Variants in SASH1 observed in about 807,000 individuals in gnomAD.
SASH1 encodes SAM and SH3 domain-containing protein 1.
Under a neutral mutation model 125.2 loss-of-function variants are expected in SASH1, and 44 were observed. The ratio of observed to expected loss-of-function variants is 0.35; its 90% CI spans 0.28 to 0.45. SASH1 has a LOEUF of 0.45. Ranked by LOEUF, SASH1 falls within the 20% of genes least tolerant of loss-of-function variation. SASH1 has a pLI of 1.00. For missense variants in SASH1, 1,426 were observed against 1,614.5 expected (o/e 0.88, Z 2.00); for synonymous variants, 639 against 649.1 (o/e 0.98, Z 0.24).
chr6:148,276,283 G>A (rs1779180888), intron 1 of SASH1, among the ~76,000 whole-genome samples: 1 of 152,162 alleles, frequency 6.6e-6, no homozygotes, highest in Non-Finnish European at 1.5e-5. Flanking sequence ...AAAGATAAAT[G>A]TTAATAAAAT....
chr6:148,403,276 A>G lies in SASH1; in HGVS notation c.285+13014A>G, dbSNP rs1464616209. Among the ~76,000 whole-genome samples the G allele has an allele frequency of 2.0e-5, 3 of 151,560 alleles. No individual in the cohort carries two copies. In the East Asian group the frequency reaches 5.8e-4, roughly 29 times the overall value. On this transcript the variant is annotated intron_variant, in intron 2 of 19. Coordinates refer to ENST00000367467, the MANE Select transcript of SASH1 (RefSeq NM_015278.5). ...ATATAGAATATTAATATAAGAATAT[A>G]TATATATTTTAAGAGATGGGGTCTC...
chr6:148,446,210 G>A (rs879896767), intron 4 of SASH1, among the ~76,000 whole-genome samples: 10 of 142,412 alleles, frequency 7.0e-5, no homozygotes, highest in Non-Finnish European at 1.4e-4. Flanking sequence ...CCAGGTCCAC[G>A]CCATTCTCCT....
At chr6:148,484,482 G>T (rs570598562) in intron 7 of SASH1, among the ~76,000 whole-genome samples, 4 of 150,722 alleles carry the variant, frequency 2.7e-5, no homozygotes, top group African/African-American at 9.7e-5. Context: ...AAAACTTCTC[G>T]AACCAAAGTG....
intron 10 of SASH1, among the ~76,000 whole-genome samples, chr6:148,523,823 A>G (rs986827834): frequency 2.6e-5 from 4 of 152,208 alleles, no homozygotes; most frequent in African/African-American, 7.2e-5. Flanking sequence ...CAGGATGACT[A>G]CCACATTCTC....
chr6:148,308,564 T>G (rs1214079710), intron 1 of SASH1, among the ~76,000 whole-genome samples: 2 of 151,234 alleles, frequency 1.3e-5, no homozygotes, highest in African/African-American at 2.4e-5. Context: ...CCTGGCTAAT[T>G]TTTGTATTTT....
At chr6:148,462,861 T>C (rs139976713) in intron 4 of SASH1, among the ~76,000 whole-genome samples, 2,870 of 152,228 alleles carry the variant, frequency 0.019, 109 homozygotes, top group African/African-American at 0.065. Flanking sequence ...GTCAGAGACG[T>C]GGCCACCAAG....
At chr6:148,530,454 C>T (rs1415696554) in intron 12 of SASH1, among the ~76,000 whole-genome samples, 2 of 151,878 alleles carry the variant, frequency 1.3e-5, no homozygotes, top group Non-Finnish European at 2.9e-5. Flanking sequence ...ATAATGTCAG[C>T]TCTAGTTTTC....
At chr6:148,388,117 G>A (rs1021833351) in intron 1 of SASH1, among the ~76,000 whole-genome samples, 3 of 152,034 alleles carry the variant, frequency 2.0e-5, no homozygotes, top group African/African-American at 7.2e-5. Flanking sequence ...GTTTCTCCAT[G>A]TTGGTGAGGC....
At chr6:148,293,811 C>T (rs1207259525) in intron 1 of SASH1, among the ~76,000 whole-genome samples, 1 of 152,160 alleles carries the variant, frequency 6.6e-6, no homozygotes, top group Admixed American at 6.6e-5. Flanking sequence ...ATAGTCCTTA[C>T]CTTAGAACAA....
chr6:148,542,016 A>G lies in SASH1; in HGVS notation c.2209+1460A>G, dbSNP rs80261457. Among the ~76,000 whole-genome samples, 1,131 of 152,234 alleles carry G rather than the reference A, an allele frequency of 7.4e-3. 19 individuals are homozygous for G. The highest frequency in any genetic ancestry group is 0.026 in the African/African-American group (1,067 of 41,526). The stretch of plus-strand genomic sequence containing the variant: ...GTTCTGAAGAATTTTTTTTTCTCTT[A>G]ATAACCTTTTCATATCCAAAACTTT... On this transcript the variant is annotated intron_variant, in intron 17 of 19. Coordinates refer to ENST00000367467, the MANE Select transcript of SASH1 (RefSeq NM_015278.5).
intron 2 of SASH1, among the ~76,000 whole-genome samples, chr6:148,393,274 G>A (rs1783807700): frequency 6.7e-6 from 1 of 150,332 alleles, no homozygotes; most frequent in Non-Finnish European, 1.5e-5. Flanking sequence ...TGGTCAGGCT[G>A]GTCTCAAACT....
chr6:148,302,843 T>TAC lies in SASH1; in HGVS notation n.74+30480_74+30481dup, dbSNP rs1039126058. Among the ~76,000 whole-genome samples, 318 of 138,160 alleles carry TAC rather than the reference T, an allele frequency of 2.3e-3. 3 individuals carry two copies. The highest frequency in any genetic ancestry group is 0.018 in the Admixed American group (247 of 13,484). 90.6% of individuals were successfully genotyped at this position (138,160 alleles called of 152,430 possible). A position where few individuals can be genotyped will look rare whatever the true frequency, so the allele number is the denominator to read the frequency against. On this transcript the variant is annotated intron_variant and non_coding_transcript_variant, in intron 1 of 3. Transcript: ENST00000367469. Reference sequence around the variant, plus strand: ...GAGTATATATATATATATATATATATACACACACACACACAGAGAGAAAGA... The same window carrying TAC: ...GAGTATATATATATATATATATATATACACACACACACACACAGAGAGAAAGA...
chr6:148,501,929 T>G (rs1178005737), intron 8 of SASH1, among the ~76,000 whole-genome samples: 4 of 152,226 alleles, frequency 2.6e-5, no homozygotes, highest in Admixed American at 1.3e-4. Flanking sequence ...AGAAATAGAT[T>G]GCAGTTGATT....
At chr6:148,411,213 A>AT (rs1554253841) in intron 2 of SASH1, among the ~76,000 whole-genome samples, 1 of 129,430 alleles carries the variant, frequency 7.7e-6, no homozygotes, top group Non-Finnish European at 1.6e-5. Context: ...CCAGGTCTGT[A>AT]TTTTTGTATT....
At chr6:148,482,180 T>G (rs757818174) in intron 7 of SASH1, among the ~76,000 whole-genome samples, 11 of 152,190 alleles carry the variant, frequency 7.2e-5, no homozygotes, top group African/African-American at 1.2e-4. Flanking sequence ...TAAAAAAGAA[T>G]AGTAGTAAAT....
chr6:148,212,913 G>A, the SASH1 span, among the ~76,000 whole-genome samples: 1 of 152,290 alleles, frequency 6.6e-6, no homozygotes. Context: ...ATGCAGTCCG[G>A]TGATGGGGAC....
At chr6:148,459,409 A>G (rs565767352) in intron 4 of SASH1, among the ~76,000 whole-genome samples, 1 of 152,284 alleles carries the variant, frequency 6.6e-6, no homozygotes, top group South Asian at 2.1e-4. Flanking sequence ...CCCTGTGGAG[A>G]GATGGCATTT....
intron 1 of SASH1, among the ~76,000 whole-genome samples, chr6:148,372,121 C>T (rs554906447): frequency 3.3e-5 from 5 of 152,112 alleles, no homozygotes; most frequent in Non-Finnish European, 7.3e-5. Flanking sequence ...AAGCACAGTA[C>T]CACCCTCCCA....
the SASH1 span, among the ~76,000 whole-genome samples, chr6:148,250,597 TA>T: frequency 1.9e-4 from 28 of 149,604 alleles, no homozygotes; most frequent in Middle Eastern, 6.8e-3. Context: ...AAACTGTATT[TA>T]AAAAAAAAGA....
Sources: allele counts gnomAD v4.1 joint callset (sites outside exome capture counted in the v4.1 genomes callset), GRCh38; gene constraint gnomAD v4.1.1; transcripts MANE v1.5; gene names NCBI Gene and HGNC (gene_info 2026-07-23, HGNC 2026-07-21).